FLT4: variants seen among roughly 807,000 people sequenced by gnomAD.
FLT4 encodes vascular endothelial growth factor receptor 3.
In FLT4, 30 loss-of-function variants were observed where a neutral mutation model predicts 163.2. The ratio of observed to expected loss-of-function variants is 0.18; its 90% confidence interval spans 0.14 to 0.25. The LOEUF (loss-of-function observed/expected upper bound fraction) is 0.25, where lower values mean the gene tolerates loss of function less well. Among genes scored for constraint, FLT4 ranks in the 10% least tolerant of loss-of-function variants. The pLI is 1.00. For missense variants in FLT4, 1,510 were observed against 1,863.8 expected, an observed-to-expected ratio of 0.81 and a Z score of 3.50; for synonymous variants, 884 against 789.5, an observed-to-expected ratio of 1.12 and a Z score of -2.01.
In FLT4 at chr5:180,610,040, C is replaced by T. The variant is rs758849473; in HGVS notation, c.3687-15G>A. ...AGTTGTAATACCTGTGGGGAGAAATCAGAAGGTGCTGAGGAACGCGCTGCA... is the reference window on the plus strand; with the variant it reads ...AGTTGTAATACCTGTGGGGAGAAATTAGAAGGTGCTGAGGAACGCGCTGCA... On this transcript the variant is annotated splice_polypyrimidine_tract_variant and intron_variant, in intron 27 of 29. Transcript: ENST00000261937. 1 of 1,613,970 alleles carries T rather than the reference C, an allele frequency of 6.2e-7. No homozygotes were observed. The highest frequency in any genetic ancestry group is 2.2e-5 in the East Asian group (1 of 44,876).
intron 1 of FLT4, 107 bp downstream of exon 1, chr5:180,649,381 C>G: frequency 1.2e-6 from 1 of 804,294 alleles, no homozygotes; most frequent in Non-Finnish European, 1.8e-6. Flanking sequence ...GCCACCGTGT[C>G]CCCCGCCCGT....
At chr5:180,642,923 G>A (rs946199696) in intron 1 of FLT4, among the ~76,000 whole-genome samples, 1 of 152,198 alleles carries the variant, frequency 6.6e-6, no homozygotes, top group South Asian at 2.1e-4. Context: ...ACAGCCCTAC[G>A]CATGTGTGCA....
At chr5:180,649,996 G>A (rs1490712458), upstream of FLT4, among the ~76,000 whole-genome samples, 2 of 151,880 alleles carry the variant, frequency 1.3e-5, no homozygotes, top group Non-Finnish European at 2.9e-5. Flanking sequence ...GTAACATAGG[G>A]AGACCCAGTC....
In FLT4 at chr5:180,623,592, C is replaced by T. The variant is rs1045669046; in HGVS notation, c.1548+343G>A. ...TTGCCCCCAGGCTGCGCCAGCGGCTCAGCAGCCCTCTGTGCAGACCTGGTC... is the reference window on the plus strand; with the variant it reads ...TTGCCCCCAGGCTGCGCCAGCGGCTTAGCAGCCCTCTGTGCAGACCTGGTC... On this transcript the variant is annotated intron_variant, in intron 11 of 29. Coordinates refer to ENST00000261937, the MANE Select transcript of FLT4 (RefSeq NM_182925.5). The surrounding 1 kb of genome is among the most constrained non-coding windows in gnomAD (Gnocchi z 5.8). Among the ~76,000 whole-genome samples, 3 of 152,222 alleles carry T rather than the reference C, an allele frequency of 2.0e-5. No homozygotes were observed. Among genetic ancestry groups the T allele is most frequent in the African/African-American group, 7.2e-5 (3 of 41,468 alleles).
At position 180,620,752 on chromosome 5, in the gene FLT4, G is replaced by GTGTA; in HGVS notation, c.2300-38_2300-37insTACA. 1.3e-6 allele frequency: 2 copies of GTGTA among 1,596,658 alleles called. No homozygotes were observed. Among genetic ancestry groups the GTGTA allele is most frequent in the Non-Finnish European group, 1.7e-6 (2 of 1,165,316 alleles). ...GAAAGGGGCCGGCGTGTGTGTGTGT[G>GTGTA]TGTGTAAGAGCGTGCACCTGCAGGC... On this transcript the variant is annotated intron_variant, in intron 15 of 29. Transcript: ENST00000261937. The surrounding 1 kb of genome is among the most constrained non-coding windows in gnomAD (Gnocchi z 4.4).
At chr5:180,617,829 C>A (rs1274396389) in intron 21 of FLT4, among the ~76,000 whole-genome samples, 1 of 68,900 alleles carries the variant, frequency 1.5e-5, no homozygotes, top group Non-Finnish European at 3.1e-5. Flanking sequence ...GTCCTACTCC[C>A]AGAGCACCCT....
chr5:180,610,365 C>T (rs1762079436), intron 27 of FLT4, among the ~76,000 whole-genome samples: 2 of 152,254 alleles, frequency 1.3e-5, no homozygotes, highest in Admixed American at 6.5e-5. Flanking sequence ...GGCTGCAAGC[C>T]GCCGACTGCC....
At chr5:180,648,786 C>T (rs940218232) in intron 1 of FLT4, among the ~76,000 whole-genome samples, 1 of 152,302 alleles carries the variant, frequency 6.6e-6, no homozygotes, top group African/African-American at 2.4e-5. Context: ...CCGCGGGGGC[C>T]TCTGCTCCTC....
intron 22 of FLT4, 27 bp from the exon 23 acceptor site, chr5:180,616,516 G>A (rs1206241572): frequency 6.2e-7 from 1 of 1,612,452 alleles, no homozygotes; most frequent in South Asian, 1.1e-5. Flanking sequence ...CGGCAGGGGG[G>A]CTGTCAGTGC....
intron 28 of FLT4, 67 bp downstream of exon 28, chr5:180,609,838 G>A (rs1251785870): frequency 8.2e-6 from 13 of 1,593,100 alleles, no homozygotes; most frequent in Admixed American, 5.0e-5. Context: ...AATTCCTGAC[G>A]CTGCCTCCCC....
At position 180,620,418 on chromosome 5, in the gene FLT4, G is replaced by C. The variant is rs1463156965; in HGVS notation, c.2407-110C>G. ...GATGGCACTTCCTGCGGGGTTCTCA[G>C]TCAAGGAGGGGACAGAAAAAAAGAC... is the stretch of plus-strand genomic sequence containing the variant. On this transcript the variant is annotated intron_variant, in intron 16 of 29. Transcript: ENST00000261937. This position sits in a 1 kb window ranked among gnomAD's most constrained non-coding sequence, Gnocchi z 4.4. The C allele has an allele frequency of 7.1e-7, 1 of 1,411,180 alleles. No homozygotes were observed. Among genetic ancestry groups the C allele is most frequent in the Non-Finnish European group, 9.9e-7 (1 of 1,005,286 alleles). 87.4% of individuals were successfully genotyped at this position (1,411,180 alleles called of 1,614,324 possible).
Position 180,602,346 on chromosome 5 carries a change from A to G in FLT4, c.*846T>C, listed in dbSNP as rs1284135520. On this transcript the variant is annotated 3_prime_UTR_variant, in exon 30 of 30. Transcript: ENST00000261937. ...CCTCGGAGTCTGGGCCAGGTGGGAGAGCAAGGGCCTTCTCCAGAGGCACTG... is the reference window on the plus strand; with the variant it reads ...CCTCGGAGTCTGGGCCAGGTGGGAGGGCAAGGGCCTTCTCCAGAGGCACTG... The G allele has an allele frequency of 1.9e-5, 6 of 311,368 alleles. No individual in the cohort carries two copies. Among genetic ancestry groups the G allele is most frequent in the African/African-American group, 6.4e-5 (3 of 47,184 alleles). 19.3% of individuals were successfully genotyped at this position (311,368 alleles called of 1,614,324 possible).
chr5:180,636,558 C>A lies in FLT4; in HGVS notation c.59-4780G>T, dbSNP rs114193487. 0.031 allele frequency among the ~76,000 whole-genome samples: 4,724 copies of A among 150,342 alleles called. 262 individuals carry two copies. The highest frequency in any genetic ancestry group is 0.11 in the African/African-American group (4,403 of 40,774). On this transcript the variant is annotated intron_variant, in intron 1 of 29. Transcript: ENST00000261937. The surrounding 1 kb of genome is among the most constrained non-coding windows in gnomAD (Gnocchi z 4.3). ...GTAGCTCCTGGCTCACCATCCCCCC[C>A]ACCCCAGCTCCTGCCCTTCTCCATG...
At chr5:180,608,320 C>T (rs1761918839) in intron 29 of FLT4, 1 of 700,728 alleles carries the variant, frequency 1.4e-6, no homozygotes, top group Non-Finnish European at 2.6e-6. Context: ...GATCATGTGA[C>T]TTGCTTCACC....
chr5:180,636,558 C>T lies in FLT4; in HGVS notation c.59-4780G>A, dbSNP rs114193487. ...GTAGCTCCTGGCTCACCATCCCCCC[C>T]ACCCCAGCTCCTGCCCTTCTCCATG... is the stretch of plus-strand genomic sequence containing the variant. On this transcript the variant is annotated intron_variant, in intron 1 of 29. Coordinates refer to ENST00000261937, the MANE Select transcript of FLT4 (RefSeq NM_182925.5). This position sits in a 1 kb window ranked among gnomAD's most constrained non-coding sequence, Gnocchi z 4.3. Among the ~76,000 whole-genome samples, 1 of 150,256 alleles carries T rather than the reference C, an allele frequency of 6.7e-6. No homozygotes were observed. The highest frequency in any genetic ancestry group is 1.5e-5 in the Non-Finnish European group (1 of 67,588).
intron 26 of FLT4, chr5:180,611,719 C>T: frequency 1.7e-6 from 1 of 590,484 alleles, no homozygotes; most frequent in Non-Finnish European, 3.0e-6. Flanking sequence ...CACGTGAGTG[C>T]TCCACAGAGG....
At chr5:180,608,747 C>T (rs949740174) in intron 29 of FLT4, among the ~76,000 whole-genome samples, 4 of 152,212 alleles carry the variant, frequency 2.6e-5, no homozygotes, top group Middle Eastern at 3.4e-3. Context: ...AGGGAGGTGT[C>T]GGGACCAGCG....
chr5:180,633,432 C>T (rs1228026793), intron 1 of FLT4, among the ~76,000 whole-genome samples: 6 of 150,110 alleles, frequency 4.0e-5, no homozygotes, highest in South Asian at 2.2e-4. Context: ...CTTGGGGCCC[C>T]GAGGTGGAAG....
intron 6 of FLT4, 92 bp from the exon 7 acceptor site, chr5:180,629,519 C>T: frequency 6.5e-7 from 1 of 1,529,342 alleles, no homozygotes; most frequent in Non-Finnish European, 8.9e-7. Context: ...CCAGCGGTGG[C>T]TCCGGAAGCC....
Sources: allele counts gnomAD v4.1 joint callset (sites outside exome capture counted in the v4.1 genomes callset), GRCh38; gene constraint gnomAD v4.1.1; non-coding constraint Gnocchi (gnomAD v3.1); transcripts MANE v1.5; gene names NCBI Gene and HGNC (gene_info 2026-07-23, HGNC 2026-07-21).